Variants in FRMD4A observed in about 807,000 individuals in gnomAD.
The protein encoded by FRMD4A is FERM domain containing 4A, also known as FERM domain-containing protein 4A.
FRMD4A carries 29 observed loss-of-function variants against 129.1 expected under a neutral mutation model. The observed-to-expected ratio is 0.22, with a 90% CI of 0.17 to 0.31. FRMD4A has a LOEUF of 0.31. FRMD4A is among the 10% of genes least tolerant of loss of function. FRMD4A has a pLI of 1.00. For synonymous variants in FRMD4A, 634 were observed against 571.6 expected (o/e 1.11, Z -1.56); for missense variants, 1,272 against 1,375.8 (o/e 0.92, Z 1.19).
chr10:13,753,541 A>ATTTTTTTTTTT (rs35813128), intron 8 of FRMD4A, among the ~76,000 whole-genome samples: 1 of 115,306 alleles, frequency 8.7e-6, no homozygotes, highest in Admixed American at 1.0e-4. Context: ...GTACCTTTCT[A>ATTTTTTTTTTT]TTTTTTTTTT....
At chr10:13,704,909 A>C (rs2087259280) in intron 13 of FRMD4A, among the ~76,000 whole-genome samples, 1 of 146,210 alleles carries the variant, frequency 6.8e-6, no homozygotes, top group African/African-American at 2.6e-5. Context: ...AGTCTCTCCA[A>C]AAAAAAAAAA....
intron 2 of FRMD4A, among the ~76,000 whole-genome samples, chr10:14,163,416 G>A (rs916081001): frequency 3.3e-5 from 5 of 152,146 alleles, no homozygotes; most frequent in African/African-American, 9.7e-5. Flanking sequence ...TGTAATAAAA[G>A]CATCACACTC....
chr10:14,166,458 A>G (rs942749486), intron 2 of FRMD4A, among the ~76,000 whole-genome samples: 5 of 152,230 alleles, frequency 3.3e-5, no homozygotes, highest in African/African-American at 7.2e-5. Context: ...CTGTTTGCCT[A>G]AAGTCAGCAC....
At chr10:13,860,620 G>A (rs528844297) in intron 2 of FRMD4A, among the ~76,000 whole-genome samples, 1 of 152,234 alleles carries the variant, frequency 6.6e-6, no homozygotes, top group South Asian at 2.1e-4. Context: ...CTAAAGAAAG[G>A]ATGCGCATCA....
intron 5 of FRMD4A, among the ~76,000 whole-genome samples, chr10:13,783,575 T>A (rs988978247): frequency 6.7e-6 from 1 of 149,200 alleles, no homozygotes; most frequent in South Asian, 2.1e-4. Flanking sequence ...AGATACGGAG[T>A]CTTCCTTTGT....
At chr10:13,987,442 G>A (rs774977014) in intron 2 of FRMD4A, among the ~76,000 whole-genome samples, 12 of 152,068 alleles carry the variant, frequency 7.9e-5, no homozygotes, top group Non-Finnish European at 1.5e-5. Flanking sequence ...GACTTGAAAA[G>A]CCTGAATATT....
rs185861183 is a variant in FRMD4A, at chr10:13,654,108, G to A, written c.3050+308C>T. 444 of 519,206 alleles carry A rather than the reference G, an allele frequency of 8.6e-4. 2 individuals carry two copies. The highest frequency in any genetic ancestry group is 7.2e-3 in the African/African-American group (369 of 51,078). The allele number at this position is 519,206 out of a possible 1,614,324, so 32.2% of individuals were successfully genotyped here. A position where few individuals can be genotyped will look rare whatever the true frequency, so the allele number is the denominator to read the frequency against. ...AGTCAGCCTGAGTATAATCCAAACC[G>A]AAATGAAATGCTGTCTGGAAATCTT... On this transcript the variant is annotated intron_variant, in intron 23 of 24. Transcript: ENST00000357447.
At chr10:14,023,166 G>A (rs1377030335) in intron 2 of FRMD4A, among the ~76,000 whole-genome samples, 1 of 152,048 alleles carries the variant, frequency 6.6e-6, no homozygotes. Flanking sequence ...CCAGAAGGAC[G>A]CTCTCCCTTC....
intron 2 of FRMD4A, among the ~76,000 whole-genome samples, chr10:13,939,238 C>A (rs1231166606): frequency 1.3e-5 from 2 of 152,162 alleles, no homozygotes; most frequent in Non-Finnish European, 2.9e-5. Flanking sequence ...TGAAACCATC[C>A]TGGAGAGCGT....
At position 14,244,439 on chromosome 10, in the gene FRMD4A, T is replaced by C. The variant is rs536830898; in HGVS notation, c.45+85619A>G. The stretch of plus-strand genomic sequence containing the variant: ...GCTGGTGCAAGATCCCAGCAATCTA[T>C]GCGGATTACATTGCCTGAGATGGGG... On this transcript the variant is annotated intron_variant, in intron 2 of 24. Coordinates refer to ENST00000357447, the MANE Select transcript of FRMD4A (RefSeq NM_018027.5). Among the ~76,000 whole-genome samples, 7 of 152,354 alleles carry C rather than the reference T, an allele frequency of 4.6e-5. No homozygotes were observed. In the Middle Eastern group the frequency reaches 0.01, roughly 222 times the overall value.
chr10:13,979,724 C>A (rs1186522558), intron 2 of FRMD4A, among the ~76,000 whole-genome samples: 2 of 152,176 alleles, frequency 1.3e-5, no homozygotes, highest in Admixed American at 6.5e-5. Context: ...TAAAACTCAT[C>A]TTCCTAAAGT....
At chr10:14,071,695 G>T (rs1368327491) in intron 2 of FRMD4A, among the ~76,000 whole-genome samples, 1 of 152,056 alleles carries the variant, frequency 6.6e-6, no homozygotes, top group Non-Finnish European at 1.5e-5. Flanking sequence ...ACTGGGCTTG[G>T]GTGTTCTTGG....
intron 2 of FRMD4A, among the ~76,000 whole-genome samples, chr10:14,211,272 G>A (rs1331510321): frequency 1.3e-5 from 2 of 152,140 alleles, no homozygotes; most frequent in East Asian, 3.9e-4. Flanking sequence ...CTATGTGGCA[G>A]GTACTGTCAT....
intron 12 of FRMD4A, among the ~76,000 whole-genome samples, chr10:13,733,129 G>A (rs1425187768): frequency 2.6e-5 from 4 of 152,370 alleles, no homozygotes; most frequent in Admixed American, 2.0e-4. Flanking sequence ...GCATTCACAC[G>A]TGTGTGCATC....
intron 12 of FRMD4A, among the ~76,000 whole-genome samples, chr10:13,716,559 C>A (rs1475781904): frequency 6.6e-6 from 1 of 152,232 alleles, no homozygotes; most frequent in Non-Finnish European, 1.5e-5. Context: ...AGATGTTCTT[C>A]CGGCCAATTG....
Position 14,111,735 on chromosome 10 carries a change from G to A in FRMD4A, c.45+218323C>T, listed in dbSNP as rs77538003. ...TCCTGGCAGGGAGAAATCTTATTGA[G>A]AGATTAGGTAAATATATTTTTGAGT... On this transcript the variant is annotated intron_variant, in intron 2 of 24. Coordinates refer to ENST00000357447, the MANE Select transcript of FRMD4A (RefSeq NM_018027.5). Among the ~76,000 whole-genome samples the A allele has an allele frequency of 1.9e-4, 29 of 152,020 alleles. No homozygotes were observed. In the East Asian group the frequency reaches 5.4e-3, roughly 28 times the overall value.
intron 2 of FRMD4A, among the ~76,000 whole-genome samples, chr10:14,129,253 C>T (rs1325581754): frequency 6.6e-6 from 1 of 151,206 alleles, no homozygotes. Context: ...ATTCAAGGAA[C>T]CAAGGCACAG....
At chr10:13,717,721 C>CG (rs142901092) in intron 12 of FRMD4A, among the ~76,000 whole-genome samples, 18,245 of 91,316 alleles carry the variant, frequency 0.2, 2,099 homozygotes, top group African/African-American at 0.24. Context: ...CCAGGGGTGG[C>CG]GGGGGGGGTT....
intron 2 of FRMD4A, among the ~76,000 whole-genome samples, chr10:13,894,097 GA>G (rs893993534): frequency 6.6e-6 from 1 of 152,054 alleles, no homozygotes; most frequent in African/African-American, 2.4e-5. Flanking sequence ...ACTACCTCAT[GA>G]AAAGTCATGA....
Sources: allele counts gnomAD v4.1 joint callset (sites outside exome capture counted in the v4.1 genomes callset), GRCh38; gene constraint gnomAD v4.1.1; transcripts MANE v1.5; gene names NCBI Gene and HGNC (gene_info 2026-07-23, HGNC 2026-07-21).